COX7C: variants seen among roughly 807,000 people sequenced by gnomAD.
COX7C encodes the protein cytochrome c oxidase subunit 7C, mitochondrial.
Under a neutral mutation model 6.4 loss-of-function variants are expected in COX7C, and 1 was observed. The ratio of observed to expected loss-of-function variants is 0.16; its 90% confidence interval spans 0.06 to 0.74. The LOEUF is 0.74. Ranked by LOEUF, COX7C falls within the 30% of genes least tolerant of loss-of-function variation. The pLI is 0.78. For synonymous variants in COX7C, 24 were observed against 28.9 expected, an observed-to-expected ratio of 0.83 and a Z score of 0.54; for missense variants, 54 against 73.7, an observed-to-expected ratio of 0.73 and a Z score of 0.98.
At position 86,619,505 on chromosome 5, in the gene COX7C, T is replaced by C. The variant is rs775048049; in HGVS notation, c.*27+9T>C. On this transcript the variant is annotated intron_variant, in intron 2 of 2. Transcript: ENST00000247655. ...GTTCCTCCATTTAACAGGTAGTTAG[T>C]GGATTTCTAATCATGTTAAAGCAGG... 1 of 1,354,916 alleles carries C rather than the reference T, an allele frequency of 7.4e-7. No homozygotes were observed. Among genetic ancestry groups the C allele is most frequent in the Admixed American group, 1.7e-5 (1 of 59,524 alleles). The allele number at this position is 1,354,916 out of a possible 1,614,324, so 83.9% of individuals were successfully genotyped here. A position where few individuals can be genotyped will look rare whatever the true frequency, so the allele number is the denominator to read the frequency against.
At chr5:86,618,739 G>A (rs1360513517) in intron 1 of COX7C, among the ~76,000 whole-genome samples, 1 of 152,142 alleles carries the variant, frequency 6.6e-6, no homozygotes, top group African/African-American at 2.4e-5. Flanking sequence ...CTGTAATCGG[G>A]AGGCTAAGGC....
chr5:86,619,611 T>C, intron 2 of COX7C, 115 bp downstream of exon 2: 1 of 660,188 alleles, frequency 1.5e-6, no homozygotes, highest in Non-Finnish European at 2.7e-6. Flanking sequence ...TTCCTGAGGT[T>C]ATGTGTAGAT....
Position 86,619,367 on chromosome 5 carries a change from A to G in COX7C, c.90A>G (p.Ser30=), listed in dbSNP as rs897798706. ...TTTTCCAACAGAATTTGCCATTTTC[A>G]GTGGAAAACAAGTGGTCGTTACTAG... ...EEGPGKNLPF[S]VENKWSLLAK... Residue 30 remains serine (S), a synonymous_variant, in exon 2 of 3, where the codon TCA becomes TCG. Coordinates refer to ENST00000247655, the MANE Select transcript of COX7C (RefSeq NM_001867.3). The G allele has an allele frequency of 3.1e-6, 5 of 1,611,196 alleles. No homozygotes were observed. The highest frequency in any genetic ancestry group is 1.7e-5 in the Admixed American group (1 of 59,962).
chr5:86,619,800 C>T (rs1750083150), intron 2 of COX7C: 1 of 223,534 alleles, frequency 4.5e-6, no homozygotes, highest in Non-Finnish European at 9.1e-6. Flanking sequence ...AGTTGTTCAA[C>T]ATCTCATAAC....
chr5:86,618,304 G>A lies in COX7C; in HGVS notation c.75+174G>A, dbSNP rs557158046. Reference sequence around the variant, plus strand: ...ACCAGTGAGGAAGCTGGGCATCCTAGCGCGTAGCCGCTAAAGGAATGGGCA... The same window carrying A: ...ACCAGTGAGGAAGCTGGGCATCCTAACGCGTAGCCGCTAAAGGAATGGGCA... On this transcript the variant is annotated intron_variant, in intron 1 of 2. Coordinates refer to ENST00000247655, the MANE Select transcript of COX7C (RefSeq NM_001867.3). 1,071 of 622,334 alleles carry A rather than the reference G, an allele frequency of 1.7e-3. 10 individuals are homozygous for A. The highest frequency in any genetic ancestry group is 2.9e-4 in the Non-Finnish European group (100 of 347,926). The allele number at this position is 622,334 out of a possible 1,614,324, so 38.6% of individuals were successfully genotyped here. A position where few individuals can be genotyped will look rare whatever the true frequency, so the allele number is the denominator to read the frequency against.
At chr5:86,618,181 G>C in intron 1 of COX7C, 51 bp downstream of exon 1, 1 of 1,574,022 alleles carries the variant, frequency 6.4e-7, no homozygotes, top group Admixed American at 1.7e-5. Flanking sequence ...GCTTGGCTGT[G>C]ACTCGCGCAC....
At chr5:86,619,276 T>C in intron 1 of COX7C, 77 bp from the exon 2 acceptor site, 1 of 855,732 alleles carries the variant, frequency 1.2e-6, no homozygotes, top group Admixed American at 1.8e-5. Context: ...TAGCATTTCC[T>C]GTATACTTGT....
Position 86,617,996 on chromosome 5 carries a change from G to C in COX7C, c.-60G>C. 6.5e-7 allele frequency: 1 copy of C among 1,539,262 alleles called. No homozygotes were observed. The highest frequency in any genetic ancestry group is 9.0e-7 in the Non-Finnish European group (1 of 1,114,714). ...GTCGTGAAAAAAAAGGTCTTGGTGAGGTGCCGCCATTTCATCTGTCCTCAT... is the reference window on the plus strand; with the variant it reads ...GTCGTGAAAAAAAAGGTCTTGGTGACGTGCCGCCATTTCATCTGTCCTCAT... On this transcript the variant is annotated 5_prime_UTR_variant, in exon 1 of 3. Coordinates refer to ENST00000247655, the MANE Select transcript of COX7C (RefSeq NM_001867.3).
Position 86,618,048 on chromosome 5 carries a change from G to C in COX7C, c.-8G>C. 6.2e-7 allele frequency: 1 copy of C among 1,613,518 alleles called. No homozygotes were observed. On this transcript the variant is annotated 5_prime_UTR_variant, in exon 1 of 3. Coordinates refer to ENST00000247655, the MANE Select transcript of COX7C (RefSeq NM_001867.3). ...CTCTGCGCCTTTCGCAGAGCTTCCAGCAGCGGTATGTTGGGCCAGAGCATC... is the reference window on the plus strand; with the variant it reads ...CTCTGCGCCTTTCGCAGAGCTTCCACCAGCGGTATGTTGGGCCAGAGCATC...
intron 2 of COX7C, chr5:86,620,242 T>A (rs762988664): frequency 6.6e-6 from 1 of 152,544 alleles, no homozygotes; most frequent in Non-Finnish European, 1.5e-5. Context: ...ATGTGAGACA[T>A]TTTTGATCGT....
At position 86,618,035 on chromosome 5, in the gene COX7C, C is replaced by A. The variant is rs1750033983; in HGVS notation, c.-21C>A. On this transcript the variant is annotated 5_prime_UTR_variant, in exon 1 of 3. Coordinates refer to ENST00000247655, the MANE Select transcript of COX7C (RefSeq NM_001867.3). ...ATCTGTCCTCATTCTCTGCGCCTTT[C>A]GCAGAGCTTCCAGCAGCGGTATGTT... The A allele has an allele frequency of 1.9e-6, 3 of 1,612,814 alleles. No homozygotes were observed. In the East Asian group the frequency reaches 6.7e-5, roughly 36 times the overall value.
chr5:86,619,865 A>T (rs1750084842), intron 2 of COX7C: 1 of 172,112 alleles, frequency 5.8e-6, no homozygotes, highest in Admixed American at 5.6e-5. Flanking sequence ...TGCAGAACTC[A>T]CACTTTTAAC....
At chr5:86,619,538 A>G (rs1047926683) in intron 2 of COX7C, 42 bp downstream of exon 2, 7 of 985,450 alleles carry the variant, frequency 7.1e-6, no homozygotes, top group African/African-American at 1.6e-5. Flanking sequence ...AGGCCTTTTT[A>G]TTAAGTAGCC....
chr5:86,618,633 G>T (rs1045375413), intron 1 of COX7C, among the ~76,000 whole-genome samples: 1 of 152,080 alleles, frequency 6.6e-6, no homozygotes, highest in Non-Finnish European at 1.5e-5. Context: ...ATCTCGGAGG[G>T]TCACACGAGG....
chr5:86,619,164 C>T (rs935730219), intron 1 of COX7C, among the ~76,000 whole-genome samples, 189 bp from the exon 2 acceptor site: 1 of 151,930 alleles, frequency 6.6e-6, no homozygotes, highest in African/African-American at 2.4e-5. Context: ...TATTTCTTGC[C>T]ATGTAGTGTT....
At position 86,619,449 on chromosome 5, in the gene COX7C, C is replaced by T. The variant is rs771431717; in HGVS notation, c.172C>T (p.His58Tyr). ...AFATPFLVVR[H>Y]QLLKT The stretch of plus-strand genomic sequence containing the variant: ...TGCTACACCCTTCCTTGTAGTAAGA[C>T]ACCAACTGCTTAAAACATAAGGATG... Residue 58 changes from histidine to tyrosine, a missense_variant, in exon 2 of 3, where the codon CAC becomes TAC. His to Tyr is a moderately conservative substitution (Grantham distance 83). Coordinates refer to ENST00000247655, the MANE Select transcript of COX7C (RefSeq NM_001867.3). 6.2e-7 allele frequency: 1 copy of T among 1,607,240 alleles called. No individual in the cohort carries two copies. Among genetic ancestry groups the T allele is most frequent in the South Asian group, 1.1e-5 (1 of 90,946 alleles).
At chr5:86,618,804 C>T (rs1379226321) in intron 1 of COX7C, among the ~76,000 whole-genome samples, 4 of 151,942 alleles carry the variant, frequency 2.6e-5, no homozygotes, top group Non-Finnish European at 5.9e-5. Context: ...CATGGCGAAA[C>T]CCTGTCTCTA....
chr5:86,618,387 A>G, intron 1 of COX7C: 1 of 483,504 alleles, frequency 2.1e-6, no homozygotes, highest in African/African-American at 2.0e-5. Flanking sequence ...CCCGCCCCGC[A>G]GAAAGCCCTG....
At position 86,618,069 on chromosome 5, in the gene COX7C, G is replaced by A; in HGVS notation, c.14G>A (p.Ser5Asn). Residue 5 changes from serine (S) to asparagine (N), a missense_variant, in exon 1 of 3, where the codon AGC becomes AAC. By Grantham distance (46) the Ser-to-Asn change is conservative. Transcript: ENST00000247655. ...TCCAGCAGCGGTATGTTGGGCCAGA[G>A]CATCCGGAGGTTCACAACCTCTGTG... MLGQ[S>N]IRRFTTSVVR... 6 of 1,613,916 alleles carry A rather than the reference G, an allele frequency of 3.7e-6. No homozygotes were observed. Among genetic ancestry groups the A allele is most frequent in the Non-Finnish European group, 5.1e-6 (6 of 1,180,020 alleles).
Sources: gnomAD v4.1 joint callset for allele counts (sites outside exome capture counted in the v4.1 genomes callset) on GRCh38, gnomAD v4.1.1 for gene constraint, MANE v1.5 for transcripts, NCBI Gene and HGNC (gene_info 2026-07-23, HGNC 2026-07-21) for gene names.